SLC4A10: variants seen among roughly 807,000 people sequenced by gnomAD.
SLC4A10 encodes sodium-driven chloride bicarbonate exchanger.
SLC4A10 carries 42 observed loss-of-function variants against 137.7 expected under a neutral mutation model. That is an observed-to-expected ratio of 0.30 (90% CI 0.24 to 0.39). The LOEUF (loss-of-function observed/expected upper bound fraction) is 0.39. SLC4A10 is among the 10% of genes least tolerant of loss of function. SLC4A10 has a pLI of 1.00. For synonymous variants in SLC4A10, 474 were observed against 464.1 expected (o/e 1.02, Z -0.27); for missense variants, 925 against 1,355.0 (o/e 0.68, Z 4.98).
intron 1 of SLC4A10, chr2:161,708,862 G>A (rs772339476): frequency 4.9e-5 from 74 of 1,512,366 alleles, no homozygotes; most frequent in Admixed American, 6.7e-5. Flanking sequence ...GATAATATTA[G>A]AATGTAGGGT....
intron 16 of SLC4A10, among the ~76,000 whole-genome samples, chr2:161,947,022 C>T (rs1693941139): frequency 6.6e-6 from 1 of 152,102 alleles, no homozygotes; most frequent in East Asian, 1.9e-4. Flanking sequence ...ATAATAATCT[C>T]ACTGCAGAAA....
intron 1 of SLC4A10, among the ~76,000 whole-genome samples, chr2:161,643,015 T>C (rs1461212312): frequency 6.6e-6 from 1 of 152,018 alleles, no homozygotes; most frequent in Non-Finnish European, 1.5e-5. Flanking sequence ...CTCATTTATT[T>C]TTGTGGATCC....
chr2:161,749,519 T>A (rs1360852191), intron 1 of SLC4A10, among the ~76,000 whole-genome samples: 1 of 151,944 alleles, frequency 6.6e-6, no homozygotes, highest in Non-Finnish European at 1.5e-5. Flanking sequence ...TGATCATGTG[T>A]TTTTTTATTT....
At chr2:161,905,085 A>G (rs1211497906) in intron 14 of SLC4A10, among the ~76,000 whole-genome samples, 176 bp downstream of exon 14, 4 of 152,158 alleles carry the variant, frequency 2.6e-5, no homozygotes, top group Non-Finnish European at 5.9e-5. Context: ...ATTTATGTAT[A>G]TTTTTATGTA....
chr2:161,708,698 G>A (rs770202359), intron 1 of SLC4A10: 51 of 1,518,420 alleles, frequency 3.4e-5, no homozygotes, highest in Non-Finnish European at 4.4e-5. Flanking sequence ...CACTAGCCCT[G>A]AAGATGCTGA....
At position 161,952,907 on chromosome 2, in the gene SLC4A10, C is replaced by T. The variant is rs146709026; in HGVS notation, c.2541+2059C>T. The stretch of plus-strand genomic sequence containing the variant: ...CGGTTTGTTCCATAGTCCTTCTCCC[C>T]GCCTGTTGCTTCATTGAAATGTTTG... On this transcript the variant is annotated intron_variant, in intron 19 of 26. Coordinates refer to ENST00000446997, the MANE Select transcript of SLC4A10 (RefSeq NM_001178015.2). 1.9e-3 allele frequency among the ~76,000 whole-genome samples: 284 copies of T among 152,284 alleles called. 1 individual carries two copies. The highest frequency in any genetic ancestry group is 3.2e-3 in the Non-Finnish European group (215 of 68,014).
At chr2:161,888,996 G>A (rs116608321) in intron 10 of SLC4A10, among the ~76,000 whole-genome samples, 2,315 of 152,262 alleles carry the variant, frequency 0.015, 57 homozygotes, top group African/African-American at 0.053. Flanking sequence ...TAGCAGGAAA[G>A]GGTGTTGAAT....
At chr2:161,792,104 T>C (rs1400543712) in intron 2 of SLC4A10, among the ~76,000 whole-genome samples, 2 of 152,150 alleles carry the variant, frequency 1.3e-5, no homozygotes, top group African/African-American at 4.8e-5. Flanking sequence ...AAAGGCATAA[T>C]AACTCACTCA....
At chr2:161,829,031 A>G (rs2058242589) in intron 3 of SLC4A10, among the ~76,000 whole-genome samples, 1 of 151,486 alleles carries the variant, frequency 6.6e-6, no homozygotes, top group Non-Finnish European at 1.5e-5. Context: ...GTAATCCTGG[A>G]TCTTTTTCTT....
chr2:161,887,255 C>T (rs35568763), intron 10 of SLC4A10, among the ~76,000 whole-genome samples: 62,919 of 151,506 alleles, frequency 0.42, 13,230 homozygotes, highest in Admixed American at 0.49. Context: ...TAAATATACG[C>T]AGTAGTACGT....
chr2:161,629,632 C>T (rs1436468697), intron 1 of SLC4A10, among the ~76,000 whole-genome samples: 1 of 151,880 alleles, frequency 6.6e-6, no homozygotes, highest in African/African-American at 2.4e-5. Context: ...TTTATAATAA[C>T]ATGTATCCAC....
At chr2:161,688,804 T>A (rs953425500) in intron 1 of SLC4A10, among the ~76,000 whole-genome samples, 1 of 152,174 alleles carries the variant, frequency 6.6e-6, no homozygotes, top group African/African-American at 2.4e-5. Flanking sequence ...TTTTCTATTA[T>A]GGTCATGTGC....
At chr2:161,798,769 T>C (rs2055053997) in intron 2 of SLC4A10, among the ~76,000 whole-genome samples, 1 of 151,226 alleles carries the variant, frequency 6.6e-6, no homozygotes, top group South Asian at 2.1e-4. Flanking sequence ...AGCTGTGTTC[T>C]ACCTGCGTTT....
chr2:161,791,184 C>A (rs2054166550), intron 2 of SLC4A10, among the ~76,000 whole-genome samples: 1 of 152,108 alleles, frequency 6.6e-6, no homozygotes, highest in Non-Finnish European at 1.5e-5. Flanking sequence ...CATTGTAGTG[C>A]TATTCACAAT....
At chr2:161,879,008 CTG>C in intron 8 of SLC4A10, 121 bp from the exon 9 acceptor site, 2 of 771,400 alleles carry the variant, frequency 2.6e-6, no homozygotes, top group Non-Finnish European at 3.8e-6. Context: ...AGATGTTTAA[CTG>C]TGTGTATTTA....
At chr2:161,741,508 T>A (rs1183317641) in intron 1 of SLC4A10, among the ~76,000 whole-genome samples, 1 of 152,118 alleles carries the variant, frequency 6.6e-6, no homozygotes, top group African/African-American at 2.4e-5. Flanking sequence ...CCCACTCCCA[T>A]AACCACCATT....
chr2:161,727,180 C>T (rs1258043943), intron 1 of SLC4A10, among the ~76,000 whole-genome samples: 1 of 152,176 alleles, frequency 6.6e-6, no homozygotes, highest in Non-Finnish European at 1.5e-5. Context: ...AACTCTATTC[C>T]TTCATCTTAT....
At chr2:161,669,415 C>T (rs1200153929) in intron 1 of SLC4A10, among the ~76,000 whole-genome samples, 1 of 151,790 alleles carries the variant, frequency 6.6e-6, no homozygotes, top group Non-Finnish European at 1.5e-5. Context: ...GACACACACA[C>T]ATATATAACA....
rs2050185182 is a variant in SLC4A10, at chr2:161,760,884, TA to T, written c.49-10088del. On this transcript the variant is annotated intron_variant, in intron 1 of 26. Coordinates refer to ENST00000446997, the MANE Select transcript of SLC4A10 (RefSeq NM_001178015.2). ...ATACGTGGATAAAGAGAATGTGGTA[TA>T]TATATAACATACATAGGTATGTATC... Among the ~76,000 whole-genome samples, 3 of 151,922 alleles carry T rather than the reference TA, an allele frequency of 2.0e-5. No homozygotes were observed. In the South Asian group the frequency reaches 6.2e-4, roughly 32 times the overall value.
Sources: gnomAD v4.1 joint callset for allele counts (sites outside exome capture counted in the v4.1 genomes callset) on GRCh38, gnomAD v4.1.1 for gene constraint, MANE v1.5 for transcripts, NCBI Gene and HGNC (gene_info 2026-07-23, HGNC 2026-07-21) for gene names.